The following VPS39 variants were observed in gnomAD, a reference collection of about 807,000 sequenced individuals.
The protein encoded by VPS39 is VPS39 subunit of HOPS complex, also known as vam6/Vps39-like protein.
VPS39 carries 70 observed loss-of-function variants against 121.0 expected under a neutral mutation model. The ratio of observed to expected loss-of-function variants is 0.58; its 90% CI spans 0.48 to 0.71. The LOEUF (loss-of-function observed/expected upper bound fraction) is 0.71. Ranked by LOEUF, VPS39 falls within the 30% of genes least tolerant of loss-of-function variation. The probability of loss-of-function intolerance (pLI) is 0.00; values close to 1 mark genes in which losing one functional copy is unlikely to be tolerated. For synonymous variants in VPS39, 378 were observed against 398.1 expected, an observed-to-expected ratio of 0.95 and a Z score of 0.60; for missense variants, 818 against 1,051.5, an observed-to-expected ratio of 0.78 and a Z score of 3.07.
intron 11 of VPS39, among the ~76,000 whole-genome samples, chr15:42,173,019 AT>A (rs1877446495): frequency 6.6e-6 from 1 of 152,232 alleles, no homozygotes. Flanking sequence ...ATCCAAGTAT[AT>A]ATAGATAGAT....
At chr15:42,202,576 A>T (rs2050089105) in intron 1 of VPS39, among the ~76,000 whole-genome samples, 1 of 152,230 alleles carries the variant, frequency 6.6e-6, no homozygotes, top group Non-Finnish European at 1.5e-5. Context: ...TCCACTCATA[A>T]CATACATAAA....
intron 1 of VPS39, among the ~76,000 whole-genome samples, chr15:42,203,197 G>A (rs1412164415): frequency 1.3e-5 from 2 of 152,098 alleles, no homozygotes; most frequent in Non-Finnish European, 2.9e-5. Flanking sequence ...GCCGAGTGTG[G>A]TTGGCTCATG....
chr15:42,178,860 A>G (rs780039005), intron 8 of VPS39: 3 of 323,616 alleles, frequency 9.3e-6, no homozygotes, highest in Non-Finnish European at 1.8e-5. Context: ...TTAAAAAATT[A>G]GTCAGGTGTG....
At position 42,178,260 on chromosome 15, in the gene VPS39, T is replaced by C; in HGVS notation, c.918A>G (p.Gln306=). 1 of 1,614,052 alleles carries C rather than the reference T, an allele frequency of 6.2e-7. No homozygotes were observed. The highest frequency in any genetic ancestry group is 8.5e-7 in the Non-Finnish European group (1 of 1,180,014). ...ATTCAAACTGCTTGTCCTGGAGAAG[T>C]TGTTGGATTTGGGTTGCCATGGGGA... ...IPVPMATQIQ[Q]LLQDKQFELA... is the part of the protein sequence containing the mutation. The change falls in exon 10 of 25, where the codon CAA becomes CAG. Residue 306 remains glutamine (Q), a synonymous_variant. Transcript: ENST00000318006.
chr15:42,206,446 C>T (rs1448571489), intron 1 of VPS39, among the ~76,000 whole-genome samples: 1 of 152,200 alleles, frequency 6.6e-6, no homozygotes, highest in Non-Finnish European at 1.5e-5. Flanking sequence ...AGGCCAAAAG[C>T]TACCTATTGT....
At chr15:42,200,975 G>A (rs965820975) in intron 1 of VPS39, among the ~76,000 whole-genome samples, 1 of 152,176 alleles carries the variant, frequency 6.6e-6, no homozygotes, top group African/African-American at 2.4e-5. Context: ...CCATTTATAT[G>A]AAATGTCCAG....
rs200155537 is a variant in VPS39, at chr15:42,197,390, A to G, written c.139+2506T>C. ...AAAAATCTAAGTAATGCTAAAAAAA[A>G]AAAGATACAAAAATGGGTTGGGCAT... On this transcript the variant is annotated intron_variant, in intron 2 of 24. Coordinates refer to ENST00000318006, the MANE Select transcript of VPS39 (RefSeq NM_015289.5). Among the ~76,000 whole-genome samples the G allele has an allele frequency of 1.2e-4, 18 of 152,146 alleles. 1 individual carries two copies. In the East Asian group the frequency reaches 2.9e-3, roughly 24 times the overall value.
chr15:42,198,075 T>C (rs1453707223), intron 2 of VPS39, among the ~76,000 whole-genome samples: 10 of 152,126 alleles, frequency 6.6e-5, no homozygotes, highest in Non-Finnish European at 1.2e-4. Flanking sequence ...CATGATAAAA[T>C]GATCATAGGG....
rs1222623755 is a variant in VPS39, at chr15:42,163,478, AG to A, written c.2130-84del. The A allele has an allele frequency of 3.6e-5, 57 of 1,592,364 alleles. 1 individual carries two copies. In the East Asian group the frequency reaches 1.3e-3, roughly 35 times the overall value. The stretch of plus-strand genomic sequence containing the variant: ...GGCTGTGCGTGCAGCCTGCTCGAGC[AG>A]CCTAACCACAGCCAAAACTGCGGGC... On this transcript the variant is annotated intron_variant, in intron 20 of 24. Transcript: ENST00000318006.
In VPS39 at chr15:42,192,766, T is replaced by G. The variant is rs558131524; in HGVS notation, c.140-1206A>C. Among the ~76,000 whole-genome samples the G allele has an allele frequency of 2.0e-5, 3 of 150,130 alleles. No individual in the cohort carries two copies. The East Asian group carries it at 5.8e-4, about 29-fold the overall frequency. On this transcript the variant is annotated intron_variant, in intron 2 of 24. Transcript: ENST00000318006. Reference sequence around the variant, plus strand: ...GCATTTAATACTTCTCTTTTCTTATTTTTTTGTTTTGTTTTGTTTTGTTTT... The same window carrying G: ...GCATTTAATACTTCTCTTTTCTTATGTTTTTGTTTTGTTTTGTTTTGTTTT...
intron 1 of VPS39, among the ~76,000 whole-genome samples, chr15:42,202,827 C>CCATG (rs1759799972): frequency 1.3e-5 from 2 of 152,152 alleles, no homozygotes; most frequent in Admixed American, 1.3e-4. Context: ...CTCATTCACT[C>CCATG]CATGCATTCT....
In VPS39 at chr15:42,167,446, T is replaced by G; in HGVS notation, c.1325A>C (p.Lys442Thr). The change falls in exon 13 of 25, where the codon AAG (lysine) becomes ACG (threonine). Residue 442 changes from lysine (K) to threonine (T), a missense_variant. Physicochemically the swap from Lys to Thr is moderately conservative, Grantham distance 78 (BLOSUM62 -1). Coordinates refer to ENST00000318006, the MANE Select transcript of VPS39 (RefSeq NM_015289.5). Reference protein sequence around the residue: ...LMEGTPTIKSKKKLLQIIDTT... With the variant: ...LMEGTPTIKSTKKLLQIIDTT... Reference sequence around the variant, plus strand: ...GTCGATGATTTGTAGCAGCTTCTTCTTGGATTTGATGGTGGGAGTGCCTTC... The same window carrying G: ...GTCGATGATTTGTAGCAGCTTCTTCGTGGATTTGATGGTGGGAGTGCCTTC... 6.2e-7 allele frequency: 1 copy of G among 1,614,160 alleles called. No individual in the cohort carries two copies. Among genetic ancestry groups the G allele is most frequent in the South Asian group, 1.1e-5 (1 of 91,066 alleles).
At chr15:42,162,856 C>CCAGT (rs1283100672) in intron 21 of VPS39, among the ~76,000 whole-genome samples, 2 of 152,316 alleles carry the variant, frequency 1.3e-5, no homozygotes, top group African/African-American at 4.8e-5. Context: ...CCTACTGGTG[C>CCAGT]CAGTACCACA....
intron 21 of VPS39, 97 bp from the exon 22 acceptor site, chr15:42,162,578 G>T: frequency 7.2e-7 from 1 of 1,382,938 alleles, no homozygotes; most frequent in East Asian, 2.5e-5. Flanking sequence ...CTCGCCTACA[G>T]TAACAGCTAT....
At chr15:42,162,232 C>T in intron 22 of VPS39, 66 bp from the exon 23 acceptor site, 6 of 1,608,180 alleles carry the variant, frequency 3.7e-6, no homozygotes, top group Non-Finnish European at 5.1e-6. Flanking sequence ...GAAATGTCTG[C>T]AGCCGTGGAG....
intron 8 of VPS39, among the ~76,000 whole-genome samples, chr15:42,182,444 A>T (rs750167921): frequency 6.6e-6 from 1 of 152,204 alleles, no homozygotes; most frequent in African/African-American, 2.4e-5. Flanking sequence ...ATCTCTTTAT[A>T]TCTCCAAAAG....
chr15:42,178,184 T>C, intron 10 of VPS39, 34 bp downstream of exon 10: 2 of 1,612,564 alleles, frequency 1.2e-6, no homozygotes, highest in Non-Finnish European at 1.7e-6. Flanking sequence ...TCAAGAACAA[T>C]AAGGAAGGAA....
chr15:42,203,159 C>A (rs893684316), intron 1 of VPS39, among the ~76,000 whole-genome samples: 17 of 152,084 alleles, frequency 1.1e-4, no homozygotes, highest in Admixed American at 1.1e-3. Flanking sequence ...GGTGAAACCC[C>A]GTCTCTACTA....
chr15:42,172,300 C>T (rs957485956), intron 11 of VPS39, among the ~76,000 whole-genome samples: 1 of 152,222 alleles, frequency 6.6e-6, no homozygotes, highest in Admixed American at 6.5e-5. Flanking sequence ...CCCCCTTGGA[C>T]AAGAACTGAG....
Sources: gnomAD v4.1 joint callset for allele counts (sites outside exome capture counted in the v4.1 genomes callset) on GRCh38, gnomAD v4.1.1 for gene constraint, MANE v1.5 for transcripts, NCBI Gene and HGNC (gene_info 2026-07-23, HGNC 2026-07-21) for gene names.